PM20D2: variants seen among roughly 807,000 people sequenced by gnomAD.
The protein encoded by PM20D2 is peptidase M20 domain containing 2.
A neutral mutation model predicts 42.9 loss-of-function variants in PM20D2; 33 were observed. The observed-to-expected ratio is 0.77, with a 90% CI of 0.58 to 1.03. The LOEUF (loss-of-function observed/expected upper bound fraction) is 1.03. Among genes scored for constraint, PM20D2 ranks in the 50% least tolerant of loss-of-function variants. The pLI is 0.00. For missense variants in PM20D2, 548 were observed against 557.0 expected, an observed-to-expected ratio of 0.98 and a Z score of 0.16; for synonymous variants, 250 against 228.2, an observed-to-expected ratio of 1.10 and a Z score of -0.86.
chr6:89,124,752 T>TTTTTTTTC, the PM20D2 span, among the ~76,000 whole-genome samples: 2 of 148,820 alleles, frequency 1.3e-5, no homozygotes, highest in East Asian at 2.0e-4. Context: ...TTTTTTTTTT[T>TTTTTTTTC]CAATTCGGGG....
rs1290575613 is a variant in PM20D2 at position 89,165,189 on chromosome 6, T to A, written c.*2926T>A. 6.6e-6 allele frequency: 1 copy of A among 152,112 alleles called. No homozygotes were observed. The highest frequency in any genetic ancestry group is 1.5e-5 in the Non-Finnish European group (1 of 67,994). The allele number at this position is 152,112 out of a possible 1,614,324, so 9.4% of individuals were successfully genotyped here. A position where few individuals can be genotyped will look rare whatever the true frequency, so the allele number is the denominator to read the frequency against. On this transcript the variant is annotated 3_prime_UTR_variant, in exon 7 of 7. Transcript: ENST00000275072. ...TCTAATTTTGTAATATGTTGTTTTT[T>A]AAAAACCTGTCTGATGGTGTTTTAT... is the stretch of plus-strand genomic sequence containing the variant.
the PM20D2 span, among the ~76,000 whole-genome samples, chr6:89,121,367 G>A: frequency 2.0e-4 from 31 of 152,024 alleles, no homozygotes; most frequent in Non-Finnish European, 4.1e-4. Flanking sequence ...CGTCGGGCAC[G>A]GCCAACTAAG....
At chr6:89,119,405 A>G in the PM20D2 span, among the ~76,000 whole-genome samples, 29 of 152,230 alleles carry the variant, frequency 1.9e-4, no homozygotes, top group Non-Finnish European at 4.0e-4. Flanking sequence ...GAGAAGAGTA[A>G]TTAGTGCAGT....
At chr6:89,122,821 G>A in the PM20D2 span, among the ~76,000 whole-genome samples, 2 of 152,184 alleles carry the variant, frequency 1.3e-5, no homozygotes, top group Non-Finnish European at 2.9e-5. Context: ...AGTGAGAGCT[G>A]CCATGGCCTA....
chr6:89,151,167 A>G (rs1336123602), intron 2 of PM20D2, among the ~76,000 whole-genome samples: 9 of 151,516 alleles, frequency 5.9e-5, no homozygotes, highest in Non-Finnish European at 1.0e-4. Context: ...AAAAAAGAAA[A>G]AAAAAAAGAG....
At chr6:89,154,971 G>T in intron 4 of PM20D2, 69 bp downstream of exon 4, 2 of 1,259,770 alleles carry the variant, frequency 1.6e-6, no homozygotes, top group Non-Finnish European at 2.1e-6. Flanking sequence ...CTGTTAGATT[G>T]AAATCTAACT....
chr6:89,110,515 C>A, the PM20D2 span, among the ~76,000 whole-genome samples: 1 of 152,194 alleles, frequency 6.6e-6, no homozygotes, highest in Non-Finnish European at 1.5e-5. Flanking sequence ...GGCCTGGGAC[C>A]AGTCTGATTG....
Position 89,162,301 on chromosome 6 carries a change from T to G in PM20D2, c.*38T>G. 1 of 1,561,282 alleles carries G rather than the reference T, an allele frequency of 6.4e-7. No homozygotes were observed. Among genetic ancestry groups the G allele is most frequent in the Non-Finnish European group, 8.7e-7 (1 of 1,153,908 alleles). ...CCACTTATAAATCAAGAAGACGTGA[T>G]GATTTTTTTCTTTTAATCTCTTTTA... On this transcript the variant is annotated 3_prime_UTR_variant, in exon 7 of 7. Transcript: ENST00000275072.
chr6:89,152,383 A>G (rs1011918676), intron 2 of PM20D2, among the ~76,000 whole-genome samples: 6 of 152,188 alleles, frequency 3.9e-5, no homozygotes, highest in African/African-American at 1.4e-4. Context: ...TTTATAAGTA[A>G]CTATTCAACA....
chr6:89,162,470 A>G lies in PM20D2; in HGVS notation c.*207A>G. The G allele has an allele frequency of 6.8e-6, 3 of 443,766 alleles. No homozygotes were observed. Among genetic ancestry groups the G allele is most frequent in the Non-Finnish European group, 1.2e-5 (3 of 254,036 alleles). 27.5% of individuals were successfully genotyped at this position (443,766 alleles called of 1,614,324 possible). A position where few individuals can be genotyped will look rare whatever the true frequency, so the allele number is the denominator to read the frequency against. On this transcript the variant is annotated 3_prime_UTR_variant, in exon 7 of 7. Transcript: ENST00000275072. ...AATCCGTACTTGATAGGATTATGAT[A>G]TTACAGGAGCTGGTATGTGATGCCA... is the stretch of plus-strand genomic sequence containing the variant.
In PM20D2 at chr6:89,155,576, C is replaced by T. The variant is rs117591236; in HGVS notation, c.912+674C>T. 3.4e-3 allele frequency among the ~76,000 whole-genome samples: 525 copies of T among 152,194 alleles called. 2 individuals carry two copies. Among genetic ancestry groups the T allele is most frequent in the Non-Finnish European group, 6.2e-3 (419 of 67,998 alleles). ...AAGTGCTGGGATTATAGGCATGAAC[C>T]ACCTCGCCCAGCCAGCGAAAGCCAT... On this transcript the variant is annotated intron_variant, in intron 4 of 6. Coordinates refer to ENST00000275072, the MANE Select transcript of PM20D2 (RefSeq NM_001010853.3).
the PM20D2 span, chr6:89,118,057 G>T: frequency 2.6e-6 from 1 of 381,564 alleles, no homozygotes; most frequent in Non-Finnish European, 4.0e-6. Flanking sequence ...AGGGGGCGCA[G>T]CGCGGCGCCA....
At chr6:89,146,819 G>GTC (rs1562245888) in intron 1 of PM20D2, among the ~76,000 whole-genome samples, 5 of 152,348 alleles carry the variant, frequency 3.3e-5, no homozygotes, top group Non-Finnish European at 7.4e-5. Flanking sequence ...CCGACCTGGC[G>GTC]ACATCTTGCA....
chr6:89,151,083 G>A (rs1343921576), intron 2 of PM20D2, among the ~76,000 whole-genome samples: 10 of 150,618 alleles, frequency 6.6e-5, no homozygotes, highest in African/African-American at 1.5e-4. Context: ...CCTGGGAGGC[G>A]GAGGTTGCAG....
the PM20D2 span, chr6:89,105,576 C>A: frequency 1.5e-6 from 2 of 1,361,328 alleles, no homozygotes; most frequent in Non-Finnish European, 2.0e-6. Flanking sequence ...ATCAAGTAAA[C>A]ATATTTTAAA....
chr6:89,098,861 C>T, the PM20D2 span: 4 of 1,613,872 alleles, frequency 2.5e-6, no homozygotes, highest in African/African-American at 4.0e-5. Flanking sequence ...TCTTGGAGTT[C>T]TTGACTGCCT....
the PM20D2 span, among the ~76,000 whole-genome samples, chr6:89,139,607 G>A: frequency 1.3e-5 from 2 of 152,194 alleles, no homozygotes. Flanking sequence ...TACTCTGGAT[G>A]CTGAGGTGGA....
At chr6:89,160,431 A>C (rs1771196554) in intron 5 of PM20D2, among the ~76,000 whole-genome samples, 1 of 152,206 alleles carries the variant, frequency 6.6e-6, no homozygotes, top group African/African-American at 2.4e-5. Flanking sequence ...ATTCCAGATA[A>C]ATGTTAGCTA....
In PM20D2 at chr6:89,146,475, C is replaced by G. The variant is rs1039028575; in HGVS notation, c.331C>G (p.Leu111Val). 1.3e-4 allele frequency: 195 copies of G among 1,524,132 alleles called. No individual in the cohort carries two copies. Among genetic ancestry groups the G allele is most frequent in the Middle Eastern group, 2.1e-4 (1 of 4,730 alleles). 94.4% of individuals were successfully genotyped at this position (1,524,132 alleles called of 1,614,324 possible). ...GCCACGCCCGCTGCACCTGGGCTTC[C>G]TCTGCGAGTACGACGCGCTGCCCGG... is the stretch of plus-strand genomic sequence containing the variant. ...ATPRPLHLGF[L>V]CEYDALPGIG... The change falls in exon 1 of 7, where the codon CTC becomes GTC. Residue 111 changes from leucine to valine, a missense_variant. Transcript: ENST00000275072.
Sources: gnomAD v4.1 joint callset for allele counts (sites outside exome capture counted in the v4.1 genomes callset) on GRCh38, gnomAD v4.1.1 for gene constraint, MANE v1.5 for transcripts, NCBI Gene and HGNC (gene_info 2026-07-23, HGNC 2026-07-21) for gene names.